Variants in TENM2 observed in about 807,000 individuals in gnomAD.
TENM2 encodes the protein teneurin-2.
Under a neutral mutation model 245.2 loss-of-function variants are expected in TENM2, and 52 were observed. The observed-to-expected ratio is 0.21, with a 90% CI of 0.17 to 0.27. The LOEUF (loss-of-function observed/expected upper bound fraction) is 0.27. Ranked by LOEUF, TENM2 falls within the 10% of genes least tolerant of loss-of-function variation. TENM2 has a pLI of 1.00. For synonymous variants in TENM2, 1,363 were observed against 1,438.9 expected (o/e 0.95, Z 1.19); for missense variants, 3,046 against 3,666.8 (o/e 0.83, Z 4.37).
At chr5:167,437,300 C>A (rs928739463) in intron 2 of TENM2, among the ~76,000 whole-genome samples, 1 of 152,140 alleles carries the variant, frequency 6.6e-6, no homozygotes, top group African/African-American at 2.4e-5. Flanking sequence ...GACTGCCCTG[C>A]CAGATTTCGG....
chr5:167,195,604 A>G, the TENM2 span, among the ~76,000 whole-genome samples: 1 of 152,030 alleles, frequency 6.6e-6, no homozygotes, highest in African/African-American at 2.4e-5. Flanking sequence ...TTAAAATAAA[A>G]CTTACTGGAT....
the TENM2 span, among the ~76,000 whole-genome samples, chr5:167,226,779 A>G: frequency 3.3e-5 from 5 of 151,950 alleles, no homozygotes; most frequent in African/African-American, 1.2e-4. Flanking sequence ...TAAGTCAGAT[A>G]TTGAAGTTCC....
intron 12 of TENM2, among the ~76,000 whole-genome samples, chr5:168,156,507 C>T (rs912983893): frequency 6.6e-6 from 1 of 152,130 alleles, no homozygotes; most frequent in Non-Finnish European, 1.5e-5. Context: ...ACCCCTCATG[C>T]ATTATTAGCC....
chr5:167,787,236 G>A (rs1764642630), intron 2 of TENM2, among the ~76,000 whole-genome samples: 1 of 152,078 alleles, frequency 6.6e-6, no homozygotes, highest in Non-Finnish European at 1.5e-5. Context: ...TCTTTTGTTG[G>A]TCTTACATTT....
intron 2 of TENM2, among the ~76,000 whole-genome samples, chr5:167,607,180 A>G (rs1777115696): frequency 6.6e-6 from 1 of 152,132 alleles, no homozygotes; most frequent in Admixed American, 6.5e-5. Flanking sequence ...CAGTAGAGAG[A>G]AATGTCTCTC....
chr5:168,048,087 T>C (rs1187604198), intron 6 of TENM2, among the ~76,000 whole-genome samples: 2 of 152,158 alleles, frequency 1.3e-5, no homozygotes. Flanking sequence ...TTTTGACAAC[T>C]CGGCAACAAA....
At chr5:168,117,407 C>G (rs1051023990) in intron 9 of TENM2, among the ~76,000 whole-genome samples, 1 of 152,114 alleles carries the variant, frequency 6.6e-6, no homozygotes, top group Non-Finnish European at 1.5e-5. Flanking sequence ...CTGTGTGTAC[C>G]TGAAACCACA....
chr5:167,416,422 A>C (rs1391722592), intron 2 of TENM2, among the ~76,000 whole-genome samples: 1 of 152,188 alleles, frequency 6.6e-6, no homozygotes, highest in Non-Finnish European at 1.5e-5. Flanking sequence ...TTTGATTTAA[A>C]TACATACGGG....
chr5:167,136,986 G>A, the TENM2 span, among the ~76,000 whole-genome samples: 2 of 152,328 alleles, frequency 1.3e-5, no homozygotes, highest in East Asian at 1.9e-4. Context: ...CAAGAACAAG[G>A]TGCTGGCAGA....
intron 1 of TENM2, among the ~76,000 whole-genome samples, chr5:167,302,437 T>G (rs1172202106): frequency 1.5e-5 from 2 of 130,446 alleles, no homozygotes; most frequent in Non-Finnish European, 1.6e-5. Context: ...GAAAGGGGTT[T>G]GGGGGTTCTT....
intron 5 of TENM2, among the ~76,000 whole-genome samples, chr5:168,014,388 G>A (rs1234492730): frequency 6.6e-6 from 1 of 151,946 alleles, no homozygotes; most frequent in African/African-American, 2.4e-5. Context: ...AAGTAAGAGG[G>A]CCAGGTCTCA....
At chr5:167,558,153 A>T (rs935020943) in intron 2 of TENM2, among the ~76,000 whole-genome samples, 2 of 152,168 alleles carry the variant, frequency 1.3e-5, no homozygotes, top group Non-Finnish European at 2.9e-5. Flanking sequence ...TGGCATCAGG[A>T]TGCTAGAAGC....
In TENM2 at chr5:167,416,102, G is replaced by A. The variant is rs533738494; in HGVS notation, c.502+40629G>A. Reference sequence around the variant, plus strand: ...TTTTGACATAGTTTGAGGGATATGTGTGTAAGAGTGAAGGGGGTGCTTAGC... The same window carrying A: ...TTTTGACATAGTTTGAGGGATATGTATGTAAGAGTGAAGGGGGTGCTTAGC... On this transcript the variant is annotated intron_variant, in intron 2 of 28. Transcript: ENST00000518659. Among the ~76,000 whole-genome samples, 9 of 152,284 alleles carry A rather than the reference G, an allele frequency of 5.9e-5. No individual in the cohort carries two copies. The South Asian group carries it at 1.7e-3, about 28-fold the overall frequency.
intron 5 of TENM2, among the ~76,000 whole-genome samples, chr5:168,005,462 A>C (rs1784752736): frequency 1.3e-5 from 2 of 152,176 alleles, no homozygotes; most frequent in Admixed American, 6.5e-5. Context: ...ACACACTACC[A>C]CTGTCTCACC....
chr5:168,078,431 T>G (rs1791675503), intron 7 of TENM2, among the ~76,000 whole-genome samples: 1 of 152,220 alleles, frequency 6.6e-6, no homozygotes, highest in Non-Finnish European at 1.5e-5. Context: ...CTCTTTAATT[T>G]AATTAGATCC....
At chr5:168,002,446 G>A (rs923451660) in intron 5 of TENM2, among the ~76,000 whole-genome samples, 1 of 152,206 alleles carries the variant, frequency 6.6e-6, no homozygotes, top group Non-Finnish European at 1.5e-5. Flanking sequence ...ATATTCCACA[G>A]GGAAGGGTCA....
At chr5:167,827,802 C>A (rs1768115553) in intron 2 of TENM2, among the ~76,000 whole-genome samples, 1 of 152,120 alleles carries the variant, frequency 6.6e-6, no homozygotes, top group African/African-American at 2.4e-5. Context: ...GGACAATGAA[C>A]TTCAGAGGTC....
the TENM2 span, among the ~76,000 whole-genome samples, chr5:167,212,254 C>T: frequency 6.9e-6 from 1 of 144,094 alleles, no homozygotes; most frequent in African/African-American, 2.7e-5. Flanking sequence ...GCAGCCGCCA[C>T]CCCAGGTGAA....
In TENM2 at chr5:167,738,204, AG is replaced by A. The variant is rs573382462; in HGVS notation, c.503-137781del. 2.5e-3 allele frequency among the ~76,000 whole-genome samples: 384 copies of A among 152,360 alleles called. 2 individuals are homozygous for A. The highest frequency in any genetic ancestry group is 4.0e-3 in the Non-Finnish European group (273 of 68,034). On this transcript the variant is annotated intron_variant, in intron 2 of 28. Coordinates refer to ENST00000518659, the Ensembl canonical transcript of TENM2. The stretch of plus-strand genomic sequence containing the variant: ...GTGACTGCTTGATATCTAGCAATGC[AG>A]TAGCACGGTGGAAGTTTCTGGCTGT...
Sources: gnomAD v4.1 joint callset for allele counts (sites outside exome capture counted in the v4.1 genomes callset) on GRCh38, gnomAD v4.1.1 for gene constraint, MANE v1.5 for transcripts, NCBI Gene and HGNC (gene_info 2026-07-23, HGNC 2026-07-21) for gene names.